The following TDRD12 variants were observed in gnomAD, a reference collection of about 807,000 sequenced individuals.
TDRD12 encodes tudor domain containing 12.
Under a neutral mutation model 133.5 loss-of-function variants are expected in TDRD12, and 158 were observed. That is an observed-to-expected ratio of 1.18 (90% CI 1.04 to 1.35). The LOEUF is 1.35. TDRD12 is among the 40% of genes most tolerant of loss of function. The probability of loss-of-function intolerance (pLI) is 0.00; values close to 1 mark genes in which losing one functional copy is unlikely to be tolerated. For synonymous variants in TDRD12, 460 were observed against 477.9 expected (o/e 0.96, Z 0.49); for missense variants, 1,443 against 1,321.3 (o/e 1.09, Z -1.43).
intron 22 of TDRD12, among the ~76,000 whole-genome samples, chr19:32,808,992 G>C (rs1037542656): frequency 6.6e-6 from 1 of 151,398 alleles, no homozygotes; most frequent in Non-Finnish European, 1.5e-5. Context: ...ACTTCATATC[G>C]GATTTGACCT....
chr19:32,787,941 C>T (rs1970957633), intron 11 of TDRD12, among the ~76,000 whole-genome samples: 1 of 152,132 alleles, frequency 6.6e-6, no homozygotes, highest in Non-Finnish European at 1.5e-5. Flanking sequence ...CCACGGGCTG[C>T]ACCCACTGTC....
chr19:32,781,527 A>G (rs1454790239), intron 11 of TDRD12, among the ~76,000 whole-genome samples: 4 of 152,244 alleles, frequency 2.6e-5, no homozygotes, highest in Non-Finnish European at 5.9e-5. Flanking sequence ...GACACAAAAC[A>G]TAAATTTTTT....
chr19:32,757,374 A>G (rs1970026756), intron 8 of TDRD12, among the ~76,000 whole-genome samples: 2 of 152,352 alleles, frequency 1.3e-5, no homozygotes, highest in South Asian at 4.1e-4. Context: ...GATTTATTCC[A>G]GCCTAGCCAT....
chr19:32,794,656 C>G (rs1051940819), exon 14 of TDRD12: 13 of 702,614 alleles, frequency 1.9e-5, no homozygotes, highest in Non-Finnish European at 3.1e-5. Flanking sequence ...TTTCCGGGCC[C>G]CAGCCACACT....
chr19:32,795,306 C>A (rs1971191960), intron 14 of TDRD12, among the ~76,000 whole-genome samples: 1 of 147,896 alleles, frequency 6.8e-6, no homozygotes. Context: ...GTGTTCCAGC[C>A]TGGACAATAA....
intron 8 of TDRD12, among the ~76,000 whole-genome samples, chr19:32,758,531 T>C (rs1970060321): frequency 6.6e-6 from 1 of 152,112 alleles, no homozygotes; most frequent in Admixed American, 6.6e-5. Flanking sequence ...TGCTTGAAAA[T>C]TGGTTTTCAC....
intron 11 of TDRD12, 90 bp from the exon 12 acceptor site, chr19:32,790,441 G>A: frequency 1.5e-6 from 2 of 1,299,564 alleles, no homozygotes; most frequent in Non-Finnish European, 1.1e-6. Flanking sequence ...TGCAGCCCCT[G>A]CTATCTCTGT....
intron 4 of TDRD12, among the ~76,000 whole-genome samples, chr19:32,744,244 T>TA (rs1969522435): frequency 6.6e-6 from 1 of 151,880 alleles, no homozygotes; most frequent in African/African-American, 2.4e-5. Context: ...CTCATGCCTG[T>TA]AAGCCCAGCA....
chr19:32,826,389 T>C (rs1407778059), intron 8 of TDRD12, 32 bp downstream of exon 30: 2 of 978,566 alleles, frequency 2.0e-6, no homozygotes, highest in African/African-American at 3.4e-5. Flanking sequence ...TAAAGTAAAA[T>C]AGAAATAATT....
intron 23 of TDRD12, 102 bp downstream of exon 23, chr19:32,810,379 T>C (rs1243875539): frequency 1.0e-6 from 1 of 985,506 alleles, no homozygotes; most frequent in Non-Finnish European, 1.4e-6. Flanking sequence ...TGAGTGTGTA[T>C]GTGAGCCTGG....
chr19:32,779,611 C>T (rs1970703598), intron 11 of TDRD12, among the ~76,000 whole-genome samples: 1 of 151,986 alleles, frequency 6.6e-6, no homozygotes, highest in Non-Finnish European at 1.5e-5. Context: ...AGAGAAACTG[C>T]TCTGTTTTGC....
intron 11 of TDRD12, among the ~76,000 whole-genome samples, chr19:32,780,670 C>T (rs570494907): frequency 3.9e-4 from 59 of 152,230 alleles, no homozygotes; most frequent in Non-Finnish European, 5.3e-4. Context: ...GTTCATTGTC[C>T]CTGGGCTGTG....
chr19:32,800,071 G>A (rs1235957115), intron 16 of TDRD12, 96 bp from the exon 17 acceptor site: 1 of 778,974 alleles, frequency 1.3e-6, no homozygotes, highest in African/African-American at 1.8e-5. Context: ...TCCACTCTGA[G>A]AACAGAAAAT....
At chr19:32,790,658 T>C (rs1234644627) in intron 12 of TDRD12, 67 bp downstream of exon 12, 2 of 1,551,602 alleles carry the variant, frequency 1.3e-6, no homozygotes, top group African/African-American at 2.7e-5. Flanking sequence ...TAAATCCTTC[T>C]CCTTCCTCCC....
chr19:32,782,102 T>G (rs934479745), intron 11 of TDRD12, among the ~76,000 whole-genome samples: 1 of 152,114 alleles, frequency 6.6e-6, no homozygotes, highest in Admixed American at 6.6e-5. Context: ...TTTCTCCTAT[T>G]GTTATCCCTC....
At chr19:32,807,097 C>G (rs1027545308) in intron 21 of TDRD12, among the ~76,000 whole-genome samples, 25 of 151,620 alleles carry the variant, frequency 1.6e-4, no homozygotes, top group African/African-American at 6.1e-4. Flanking sequence ...CTAATTCAGT[C>G]TTTATTATGG....
At chr19:32,789,404 A>G (rs1353001514) in intron 11 of TDRD12, among the ~76,000 whole-genome samples, 2 of 152,106 alleles carry the variant, frequency 1.3e-5, no homozygotes, top group African/African-American at 2.4e-5. Context: ...GTAAGTGCAT[A>G]CCCATTAGCG....
intron 14 of TDRD12, chr19:32,796,231 G>GTTTCCT: frequency 2.1e-6 from 2 of 964,464 alleles, no homozygotes; most frequent in Non-Finnish European, 2.5e-6. Context: ...TAGGGTTGCA[G>GTTTCCT]TTAGGAAAAA....
Position 32,812,614 on chromosome 19 carries a change from G to A in TDRD12, c.3049-1070G>A, listed in dbSNP as rs570279427. Among the ~76,000 whole-genome samples the A allele has an allele frequency of 4.6e-5, 7 of 152,262 alleles. 1 individual carries two copies. Among genetic ancestry groups the A allele is most frequent in the African/African-American group, 1.7e-4 (7 of 41,542 alleles). ...GTACCAGGTGCCCTACTGGGTTCTG[G>A]GGATGTAGCCGTCAGCAAGAATGTC... On this transcript the variant is annotated intron_variant, in intron 24 of 27. Transcript: ENST00000444215.
Sources: allele counts gnomAD v4.1 joint callset (sites outside exome capture counted in the v4.1 genomes callset), GRCh38; gene constraint gnomAD v4.1.1; transcripts MANE v1.5; gene names NCBI Gene and HGNC (gene_info 2026-07-23, HGNC 2026-07-21).